SLC7A2: variants seen among roughly 807,000 people sequenced by gnomAD.
SLC7A2 encodes solute carrier family 7 member 2.
A neutral mutation model predicts 58.9 loss-of-function variants in SLC7A2; 48 were observed. The ratio of observed to expected loss-of-function variants is 0.82; its 90% CI spans 0.65 to 1.04. SLC7A2 has a LOEUF of 1.04. SLC7A2 is among the 50% of genes least tolerant of loss of function. SLC7A2 has a pLI of 0.00. For synonymous variants in SLC7A2, 363 were observed against 314.5 expected (o/e 1.15, Z -1.63); for missense variants, 1,029 against 818.8 (o/e 1.26, Z -3.13).
At position 17,555,419 on chromosome 8, in the gene SLC7A2, G is replaced by C. The variant is rs186601694; in HGVS notation, c.1195+720G>C. ...AACTAGCACACAAAATTATATTATT[G>C]ATACATAAACTTCTGATTAAGGAAT... is the stretch of plus-strand genomic sequence containing the variant. On this transcript the variant is annotated intron_variant, in intron 8 of 12. Transcript: ENST00000494857. Among the ~76,000 whole-genome samples the C allele has an allele frequency of 1.8e-3, 269 of 152,050 alleles. 2 individuals carry two copies. The highest frequency in any genetic ancestry group is 6.3e-3 in the African/African-American group (260 of 41,482).
Position 17,555,135 on chromosome 8 carries a change from G to T in SLC7A2, c.1195+436G>T. On this transcript the variant is annotated intron_variant, in intron 8 of 12. Transcript: ENST00000494857. ...AGCATTAGACTGGAACATTTAATTC[G>T]CATGCATGGACTTATAAAGAGGGTC... The T allele has an allele frequency of 3.2e-6, 5 of 1,564,456 alleles. No homozygotes were observed. The East Asian group carries it at 9.0e-5, about 28-fold the overall frequency.
chr8:17,523,141 G>A (rs1242535231), intron 2 of SLC7A2, among the ~76,000 whole-genome samples: 1 of 151,818 alleles, frequency 6.6e-6, no homozygotes, highest in Non-Finnish European at 1.5e-5. Context: ...ATGTATCCTG[G>A]AACATAAATT....
At chr8:17,523,180 GA>G (rs1191887497) in intron 2 of SLC7A2, among the ~76,000 whole-genome samples, 4 of 151,956 alleles carry the variant, frequency 2.6e-5, no homozygotes, top group Non-Finnish European at 5.9e-5. Context: ...AAAAAGGAAA[GA>G]AAATGACCAT....
At chr8:17,506,947 T>TA (rs1364696636) in intron 2 of SLC7A2, among the ~76,000 whole-genome samples, 1 of 38,148 alleles carries the variant, frequency 2.6e-5, no homozygotes, top group Non-Finnish European at 5.8e-5. Context: ...ATTTGTGGAA[T>TA]TTTTTTTTTT....
intron 2 of SLC7A2, among the ~76,000 whole-genome samples, chr8:17,505,250 A>G (rs1199674247): frequency 6.6e-6 from 1 of 152,208 alleles, no homozygotes; most frequent in African/African-American, 2.4e-5. Context: ...GAAACCCAAG[A>G]TAAGAACCTT....
At chr8:17,502,937 A>G (rs556709431) in intron 2 of SLC7A2, among the ~76,000 whole-genome samples, 2 of 151,930 alleles carry the variant, frequency 1.3e-5, no homozygotes, top group African/African-American at 4.8e-5. Flanking sequence ...AAAATATTAT[A>G]TAAGTTAATA....
intron 2 of SLC7A2, among the ~76,000 whole-genome samples, chr8:17,532,146 C>A (rs559053311): frequency 2.7e-4 from 37 of 139,410 alleles, no homozygotes; most frequent in Non-Finnish European, 4.2e-4. Flanking sequence ...AGGAGAATCA[C>A]TTGAACCCGG....
chr8:17,560,029 T>G (rs1802890261), intron 9 of SLC7A2, among the ~76,000 whole-genome samples: 1 of 152,226 alleles, frequency 6.6e-6, no homozygotes, highest in Non-Finnish European at 1.5e-5. Context: ...CATAGGTAAT[T>G]TCAGAATAAT....
At chr8:17,517,956 GT>G (rs1299018045) in intron 2 of SLC7A2, among the ~76,000 whole-genome samples, 2 of 152,008 alleles carry the variant, frequency 1.3e-5, no homozygotes, top group Non-Finnish European at 2.9e-5. Context: ...ACTTTGAAAA[GT>G]TTCTTAACAT....
At chr8:17,511,227 C>T (rs1380552880) in intron 2 of SLC7A2, 1 of 151,980 alleles carries the variant, frequency 6.6e-6, no homozygotes, top group African/African-American at 2.4e-5. Flanking sequence ...AGCAAAGCTG[C>T]ACATTCTGCA....
At chr8:17,497,017 C>G (rs1799977446), upstream of SLC7A2, 1 of 150,368 alleles carries the variant, frequency 6.7e-6, no homozygotes, top group Non-Finnish European at 1.5e-5. Flanking sequence ...GCGGAGGAGG[C>G]GGTGCCGCCC....
chr8:17,559,472 AG>A (rs1202780864), intron 9 of SLC7A2, among the ~76,000 whole-genome samples: 3 of 152,194 alleles, frequency 2.0e-5, no homozygotes, highest in Admixed American at 2.0e-4. Flanking sequence ...AGGCTGAGGC[AG>A]GAGAATCACT....
intron 2 of SLC7A2, among the ~76,000 whole-genome samples, chr8:17,531,032 G>C (rs759711325): frequency 6.6e-6 from 1 of 151,944 alleles, no homozygotes; most frequent in African/African-American, 2.4e-5. Flanking sequence ...ATCTCCATAC[G>C]GTGTGGTTTC....
At position 17,523,026 on chromosome 8, in the gene SLC7A2, C is replaced by G. The variant is rs184787789; in HGVS notation, c.-22-20292C>G. Among the ~76,000 whole-genome samples, 374 of 151,932 alleles carry G rather than the reference C, an allele frequency of 2.5e-3. 4 individuals carry two copies. The Middle Eastern group carries it at 0.034, about 14-fold the overall frequency. On this transcript the variant is annotated intron_variant, in intron 2 of 12. Transcript: ENST00000494857. The stretch of plus-strand genomic sequence containing the variant: ...CTCCAGCCAGGGTGACAGAGGGAGA[C>G]CCTGTATCAAAAAATAAAAATATAA...
chr8:17,535,495 T>C (rs1020426580), intron 2 of SLC7A2, among the ~76,000 whole-genome samples: 1 of 152,224 alleles, frequency 6.6e-6, no homozygotes, highest in African/African-American at 2.4e-5. Context: ...TCTGTGCAAC[T>C]GCAGGTGGCA....
At chr8:17,543,955 G>A (rs1802043624) in intron 3 of SLC7A2, among the ~76,000 whole-genome samples, 2 of 152,088 alleles carry the variant, frequency 1.3e-5, no homozygotes, top group South Asian at 2.1e-4. Context: ...TGCAACCTCT[G>A]CCTCCTGGCT....
intron 11 of SLC7A2, among the ~76,000 whole-genome samples, chr8:17,562,640 G>A (rs564666563): frequency 9.2e-5 from 14 of 152,154 alleles, no homozygotes; most frequent in African/African-American, 1.2e-4. Flanking sequence ...AGAATCCTTC[G>A]ATATGTTCCT....
At chr8:17,547,359 A>G (rs1011729212) in intron 4 of SLC7A2, among the ~76,000 whole-genome samples, 1 of 152,146 alleles carries the variant, frequency 6.6e-6, no homozygotes, top group African/African-American at 2.4e-5. Flanking sequence ...ACCTGCCCCC[A>G]TGATTCAGTT....
Position 17,560,532 on chromosome 8 carries a change from A to G in SLC7A2, c.1503A>G (p.Leu501=), listed in dbSNP as rs1236304551. Reference sequence around the variant, plus strand: ...TCGTGAGCTTTCTGGTAGGATTCCTAGGTAAGTCTTCTTCTCTGCTTACAT... The same window carrying G: ...TCGTGAGCTTTCTGGTAGGATTCCTGGGTAAGTCTTCTTCTCTGCTTACAT... ...ASLVSFLVGF[L]AFLVLGLSVL... is the part of the protein sequence containing the mutation. The change falls in exon 10 of 13, where the codon CTA becomes CTG. Residue 501 remains leucine (L), a splice_region_variant and synonymous_variant. Transcript: ENST00000494857. 6.2e-7 allele frequency: 1 copy of G among 1,612,356 alleles called. No individual in the cohort carries two copies. Among genetic ancestry groups the G allele is most frequent in the Non-Finnish European group, 8.5e-7 (1 of 1,178,512 alleles).
Sources: gnomAD v4.1 joint callset for allele counts (sites outside exome capture counted in the v4.1 genomes callset) on GRCh38, gnomAD v4.1.1 for gene constraint, MANE v1.5 for transcripts, NCBI Gene and HGNC (gene_info 2026-07-23, HGNC 2026-07-21) for gene names.